GRIN2B: variants seen among roughly 807,000 people sequenced by gnomAD.
GRIN2B encodes glutamate ionotropic receptor NMDA type subunit 2B, also known as glutamate receptor ionotropic, NMDA 2B.
In GRIN2B, 5 loss-of-function variants were observed where a neutral mutation model predicts 114.5. The ratio of observed to expected loss-of-function variants is 0.04; its 90% CI spans 0.02 to 0.09. The LOEUF (loss-of-function observed/expected upper bound fraction) is 0.09. GRIN2B is among the 10% of genes least tolerant of loss of function. The pLI, the probability that GRIN2B is intolerant of heterozygous loss-of-function variation, is 1.00. For missense variants in GRIN2B, 1,108 were observed against 1,943.5 expected (o/e 0.57, Z 8.08); for synonymous variants, 787 against 745.1 (o/e 1.06, Z -0.92).
At chr12:13,613,233 T>C (rs2136476812) in intron 8 of GRIN2B, among the ~76,000 whole-genome samples, 1 of 152,342 alleles carries the variant, frequency 6.6e-6, no homozygotes, top group South Asian at 2.1e-4. Context: ...TGTCTAAGAT[T>C]GGGGAATAAC....
chr12:13,939,606 G>A (rs1203851745), intron 2 of GRIN2B, among the ~76,000 whole-genome samples: 1 of 135,026 alleles, frequency 7.4e-6, no homozygotes, highest in Non-Finnish European at 1.5e-5. Flanking sequence ...CCAGGCTAGA[G>A]TGCAGTAGTG....
chr12:13,620,065 A>G (rs568872857), intron 5 of GRIN2B, among the ~76,000 whole-genome samples: 1 of 152,354 alleles, frequency 6.6e-6, no homozygotes, highest in African/African-American at 2.4e-5. Flanking sequence ...GTACTCCGGC[A>G]TTCAGAGTAG....
chr12:13,699,839 A>G (rs919512450), intron 4 of GRIN2B, among the ~76,000 whole-genome samples: 4 of 151,032 alleles, frequency 2.6e-5, no homozygotes, highest in Non-Finnish European at 4.4e-5. Flanking sequence ...CGCCCACCTC[A>G]GCCTCCCGAA....
intron 10 of GRIN2B, among the ~76,000 whole-genome samples, chr12:13,605,408 A>G (rs1348076738): frequency 6.6e-6 from 1 of 152,118 alleles, no homozygotes; most frequent in Non-Finnish European, 1.5e-5. Context: ...GTATGGTTGA[A>G]AAAGATGAAC....
At chr12:13,737,563 C>T (rs569352014) in intron 4 of GRIN2B, among the ~76,000 whole-genome samples, 12 of 152,266 alleles carry the variant, frequency 7.9e-5, no homozygotes, top group Admixed American at 3.9e-4. Flanking sequence ...CGAACAGGCA[C>T]TCTAGATTGA....
At chr12:13,889,657 C>A (rs2136775180) in intron 2 of GRIN2B, among the ~76,000 whole-genome samples, 1 of 152,256 alleles carries the variant, frequency 6.6e-6, no homozygotes, top group Non-Finnish European at 1.5e-5. Flanking sequence ...TAAAATATTT[C>A]TGTTCCCCAA....
chr12:13,905,732 G>T (rs1308647232), intron 2 of GRIN2B, among the ~76,000 whole-genome samples: 1 of 152,114 alleles, frequency 6.6e-6, no homozygotes, highest in Non-Finnish European at 1.5e-5. Flanking sequence ...CTGCTGGAGG[G>T]TTCTTCACCA....
chr12:13,877,637 T>C (rs536221336), intron 2 of GRIN2B, among the ~76,000 whole-genome samples: 36 of 152,302 alleles, frequency 2.4e-4, no homozygotes, highest in African/African-American at 8.4e-4. Context: ...TTGTTAGGCC[T>C]TGTTACAGTT....
intron 5 of GRIN2B, among the ~76,000 whole-genome samples, chr12:13,641,326 G>A (rs1949713425): frequency 6.6e-6 from 1 of 152,120 alleles, no homozygotes; most frequent in South Asian, 2.1e-4. Flanking sequence ...TCCCACTTCA[G>A]CCTCCCACAG....
intron 3 of GRIN2B, among the ~76,000 whole-genome samples, chr12:13,777,151 G>T (rs928570894): frequency 6.6e-6 from 1 of 152,102 alleles, no homozygotes; most frequent in Non-Finnish European, 1.5e-5. Context: ...GGATGTTTCA[G>T]CCCACATCCC....
In GRIN2B at chr12:13,566,183, G is replaced by T. The variant is rs138465435; in HGVS notation, c.2598+842C>A. Among the ~76,000 whole-genome samples the T allele has an allele frequency of 3.4e-3, 516 of 152,274 alleles. 3 individuals carry two copies. The highest frequency in any genetic ancestry group is 0.012 in the African/African-American group (499 of 41,562). ...TATCAGTAAAATACTATAGGAAAAT[G>T]ATGAAAAGATGAAATAATTTAACGA... On this transcript the variant is annotated intron_variant, in intron 13 of 13. Transcript: ENST00000609686.
intron 3 of GRIN2B, among the ~76,000 whole-genome samples, chr12:13,805,392 T>A (rs1864583643): frequency 6.6e-6 from 1 of 152,152 alleles, no homozygotes. Context: ...AGGTCAAAAT[T>A]TCAAATAGTT....
chr12:13,560,447 G>A lies in GRIN2B; in HGVS notation c.*2336C>T, dbSNP rs1948526880. ...ACCATCTTGATTTCTGTTGCCAGCG[G>A]AGACTGAAAGAGCTCCCTTGGTTCT... On this transcript the variant is annotated 3_prime_UTR_variant, in exon 14 of 14. Transcript: ENST00000609686. 1 of 152,198 alleles carries A rather than the reference G, an allele frequency of 6.6e-6. No individual in the cohort carries two copies. The highest frequency in any genetic ancestry group is 1.5e-5 in the Non-Finnish European group (1 of 68,054). The allele number at this position is 152,198 out of a possible 1,614,324, so 9.4% of individuals were successfully genotyped here. A position where few individuals can be genotyped will look rare whatever the true frequency, so the allele number is the denominator to read the frequency against.
rs116065980 is a variant in GRIN2B, at chr12:13,606,667, A to G, written c.2010+1936T>C. Among the ~76,000 whole-genome samples the G allele has an allele frequency of 6.7e-3, 1,025 of 152,252 alleles. 12 individuals carry two copies. Among genetic ancestry groups the G allele is most frequent in the African/African-American group, 0.023 (957 of 41,538 alleles). On this transcript the variant is annotated intron_variant, in intron 10 of 13. Transcript: ENST00000609686. Reference sequence around the variant, plus strand: ...GAGCTCTGAGGTTGTTCTTCACCCTATTACTGTCCAGGTTACAGAAACAGT... The same window carrying G: ...GAGCTCTGAGGTTGTTCTTCACCCTGTTACTGTCCAGGTTACAGAAACAGT...
chr12:13,888,233 C>T (rs991714326), intron 2 of GRIN2B, among the ~76,000 whole-genome samples: 1 of 152,174 alleles, frequency 6.6e-6, no homozygotes, highest in African/African-American at 2.4e-5. Context: ...GTGAACATCA[C>T]AGAGTGCACT....
At chr12:13,737,589 TC>T (rs1251795649) in intron 4 of GRIN2B, among the ~76,000 whole-genome samples, 2 of 152,174 alleles carry the variant, frequency 1.3e-5, no homozygotes, top group Non-Finnish European at 2.9e-5. Context: ...TCCTGCTCAT[TC>T]CACAAAACTC....
intron 3 of GRIN2B, among the ~76,000 whole-genome samples, chr12:13,755,487 C>T (rs946050708): frequency 6.6e-6 from 1 of 152,114 alleles, no homozygotes; most frequent in African/African-American, 2.4e-5. Flanking sequence ...TGCTCACCAG[C>T]ACTCTCTTCT....
chr12:13,763,022 TTA>T (rs1204687908), intron 3 of GRIN2B, among the ~76,000 whole-genome samples: 1 of 152,150 alleles, frequency 6.6e-6, no homozygotes, highest in Non-Finnish European at 1.5e-5. Flanking sequence ...GGCTTTGAAT[TTA>T]TTCACATCTC....
intron 13 of GRIN2B, 75 bp downstream of exon 13, chr12:13,566,950 G>T: frequency 2.0e-6 from 2 of 987,916 alleles, no homozygotes; most frequent in Non-Finnish European, 3.3e-6. Flanking sequence ...GTGTCCTCTT[G>T]GTTCTCTCTG....
Sources: gnomAD v4.1 joint callset for allele counts (sites outside exome capture counted in the v4.1 genomes callset) on GRCh38, gnomAD v4.1.1 for gene constraint, MANE v1.5 for transcripts, NCBI Gene and HGNC (gene_info 2026-07-23, HGNC 2026-07-21) for gene names.